Variants in SLMAP observed in about 807,000 individuals in gnomAD.
SLMAP encodes the protein sarcolemma associated protein, also known as sarcolemmal membrane-associated protein.
A neutral mutation model predicts 128.8 loss-of-function variants in SLMAP; 44 were observed. The ratio of observed to expected loss-of-function variants is 0.34; its 90% CI spans 0.27 to 0.44. SLMAP has a LOEUF of 0.44. Ranked by LOEUF, SLMAP falls within the 20% of genes least tolerant of loss-of-function variation. The pLI, the probability that SLMAP is intolerant of heterozygous loss-of-function variation, is 1.00. For synonymous variants in SLMAP, 327 were observed against 348.8 expected (o/e 0.94, Z 0.70); for missense variants, 787 against 985.3 (o/e 0.80, Z 2.69).
At position 57,912,432 on chromosome 3, in the gene SLMAP, A is replaced by T; in HGVS notation, c.1751A>T (p.Asp584Val). The T allele has an allele frequency of 1.9e-6, 3 of 1,614,082 alleles. No individual in the cohort carries two copies. The highest frequency in any genetic ancestry group is 2.5e-6 in the Non-Finnish European group (3 of 1,179,906). ...ACTGAGAATCTCCGGGAGGAGAAGG[A>T]CAGTGAAATCACAAGTACTAGAGAT... ...IDTENLREEK[D>V]SEITSTRDEL... is the part of the protein sequence containing the mutation. The change falls in exon 20 of 25, where the codon GAC becomes GTC. Residue 584 changes from aspartate (D) to valine (V), a missense_variant. By Grantham distance (152) the Asp-to-Val change is radical. Around this residue, in one of 2 missense-constraint regions of SLMAP, gnomAD observed 715 missense variants for 843.6 expected, o/e 0.85. Coordinates refer to ENST00000671191, the MANE Select transcript of SLMAP (RefSeq NM_001377540.1).
At position 57,806,857 on chromosome 3, in the gene SLMAP, T is replaced by C. The variant is rs139249093; in HGVS notation, c.199-24526T>C. On this transcript the variant is annotated intron_variant, in intron 2 of 24. Transcript: ENST00000671191. ...GCATGTGTCTTTATAGTAGAATGATTTATATTCCTTTGGGTGTATACCCAG... is the reference window on the plus strand; with the variant it reads ...GCATGTGTCTTTATAGTAGAATGATCTATATTCCTTTGGGTGTATACCCAG... Among the ~76,000 whole-genome samples, 91 of 152,352 alleles carry C rather than the reference T, an allele frequency of 6.0e-4. 1 individual carries two copies. Among genetic ancestry groups the C allele is most frequent in the African/African-American group, 1.8e-3 (75 of 41,572 alleles).
At chr3:57,896,421 T>A (rs1373140988) in intron 15 of SLMAP, 90 bp from the exon 16 acceptor site, 14 of 1,450,422 alleles carry the variant, frequency 9.7e-6, no homozygotes, top group Non-Finnish European at 1.3e-5. Flanking sequence ...TGCGTACCTG[T>A]AGATTTTGAG....
intron 2 of SLMAP, among the ~76,000 whole-genome samples, chr3:57,804,551 C>A (rs977763557): frequency 2.0e-5 from 3 of 152,120 alleles, no homozygotes; most frequent in African/African-American, 7.2e-5. Flanking sequence ...TGAGACCAGC[C>A]TGGGCAAAAT....
intron 17 of SLMAP, chr3:57,898,349 G>A (rs1015780257): frequency 1.3e-5 from 2 of 152,090 alleles, no homozygotes; most frequent in African/African-American, 2.4e-5. Flanking sequence ...GGAACGTGGA[G>A]AAAAAAGAAG....
In SLMAP at chr3:57,812,033, T is replaced by G. The variant is rs533170441; in HGVS notation, c.199-19350T>G. 9.2e-5 allele frequency among the ~76,000 whole-genome samples: 14 copies of G among 152,344 alleles called. No homozygotes were observed. In the East Asian group the frequency reaches 2.7e-3, roughly 29 times the overall value. ...TCTCCCATTCTGTGCGTTGCCTTTT[T>G]ACTCTGTTGATAGTGCCCTTTGACA... is the stretch of plus-strand genomic sequence containing the variant. On this transcript the variant is annotated intron_variant, in intron 2 of 24. Coordinates refer to ENST00000671191, the MANE Select transcript of SLMAP (RefSeq NM_001377540.1).
chr3:57,836,644 C>T (rs1005097748), intron 3 of SLMAP, among the ~76,000 whole-genome samples: 1 of 152,148 alleles, frequency 6.6e-6, no homozygotes, highest in Admixed American at 6.5e-5. Context: ...CACCAACAAT[C>T]TGATTTTGAT....
intron 14 of SLMAP, among the ~76,000 whole-genome samples, chr3:57,876,184 G>T (rs1431626692): frequency 4.6e-5 from 7 of 152,040 alleles, no homozygotes; most frequent in African/African-American, 1.7e-4. Context: ...ATTTCCATAA[G>T]GTTTTCCATG....
chr3:57,783,450 T>G (rs888676688), intron 2 of SLMAP, among the ~76,000 whole-genome samples: 1 of 152,028 alleles, frequency 6.6e-6, no homozygotes, highest in South Asian at 2.1e-4. Context: ...AATTTAAGAG[T>G]GATGAGCTAG....
intron 6 of SLMAP, among the ~76,000 whole-genome samples, chr3:57,857,030 A>G (rs9840125): frequency 0.25 from 38,126 of 152,064 alleles, 5,264 homozygotes; most frequent in East Asian, 0.48. Context: ...ATATATGTCT[A>G]CATACACACA....
intron 9 of SLMAP, 77 bp from the exon 10 acceptor site, chr3:57,861,872 A>G (rs2095082754): frequency 1.6e-6 from 2 of 1,270,858 alleles, no homozygotes; most frequent in East Asian, 4.8e-5. Context: ...TACTTTTTAT[A>G]AATTTCATTT....
chr3:57,891,764 A>T (rs1488549033), intron 15 of SLMAP, among the ~76,000 whole-genome samples: 2 of 151,974 alleles, frequency 1.3e-5, no homozygotes, highest in Non-Finnish European at 2.9e-5. Flanking sequence ...TTAGTAGAGA[A>T]TGAGGTTTCA....
intron 2 of SLMAP, among the ~76,000 whole-genome samples, chr3:57,829,012 G>A (rs2093138898): frequency 6.6e-6 from 1 of 151,850 alleles, no homozygotes; most frequent in African/African-American, 2.4e-5. Context: ...TGAACTCCTG[G>A]GCTCAAGTGA....
At chr3:57,858,844 A>T (rs1207858755) in intron 8 of SLMAP, among the ~76,000 whole-genome samples, 1 of 152,212 alleles carries the variant, frequency 6.6e-6, no homozygotes, top group Non-Finnish European at 1.5e-5. Context: ...CAGAAGGCTG[A>T]GACAGGAGAA....
chr3:57,872,952 GC>G (rs1252952458), intron 14 of SLMAP, among the ~76,000 whole-genome samples: 2 of 152,042 alleles, frequency 1.3e-5, no homozygotes, highest in African/African-American at 2.4e-5. Context: ...ATGCATATGT[GC>G]CCCCCGCTAC....
intron 23 of SLMAP, among the ~76,000 whole-genome samples, 160 bp downstream of exon 23, chr3:57,923,183 T>A (rs2096946240): frequency 6.6e-6 from 1 of 152,202 alleles, no homozygotes; most frequent in Non-Finnish European, 1.5e-5. Flanking sequence ...GCTGTCAGAT[T>A]TTTGAGTAAG....
rs2096721883 is a variant in SLMAP at position 57,912,390 on chromosome 3, A to G, written c.1709A>G (p.Gln570Arg). The change falls in exon 20 of 25, where the codon CAG becomes CGG. Residue 570 changes from glutamine to arginine, a missense_variant. Around this residue, in one of 2 missense-constraint regions of SLMAP, gnomAD observed 715 missense variants for 843.6 expected, o/e 0.85. Transcript: ENST00000671191. ...GGATATACTTTTGCAGCCCAATTGC[A>G]GAGGTTACACATCGATACTGAGAAT... ...KQIQVLQAQL[Q>R]RLHIDTENLR... The G allele has an allele frequency of 6.2e-7, 1 of 1,606,320 alleles. No homozygotes were observed. The highest frequency in any genetic ancestry group is 1.1e-5 in the South Asian group (1 of 91,002).
chr3:57,781,441 G>T (rs2083046080), intron 2 of SLMAP, among the ~76,000 whole-genome samples: 1 of 151,998 alleles, frequency 6.6e-6, no homozygotes, highest in Admixed American at 6.6e-5. Context: ...ATAAATTATT[G>T]GGTTAATAAA....
intron 15 of SLMAP, among the ~76,000 whole-genome samples, chr3:57,893,166 A>C (rs1410890150): frequency 6.6e-6 from 1 of 152,056 alleles, no homozygotes; most frequent in Non-Finnish European, 1.5e-5. Flanking sequence ...TTAAAAAAAA[A>C]TACCTACTAG....
intron 2 of SLMAP, among the ~76,000 whole-genome samples, chr3:57,795,354 G>A (rs141249549): frequency 0.013 from 2,053 of 152,106 alleles, 53 homozygotes; most frequent in African/African-American, 0.045. Flanking sequence ...CCTGGCCAGC[G>A]TCGTGAAACC....
Sources: gnomAD v4.1 joint callset for allele counts (sites outside exome capture counted in the v4.1 genomes callset) on GRCh38, gnomAD v4.1.1 for gene constraint, gnomAD v4.1.1 regional missense constraint, MANE v1.5 for transcripts, NCBI Gene and HGNC (gene_info 2026-07-23, HGNC 2026-07-21) for gene names.